Variants in CD9 observed in about 807,000 individuals in gnomAD.
CD9 encodes the protein CD9 antigen.
A neutral mutation model predicts 31.4 loss-of-function variants in CD9; 10 were observed. The observed-to-expected ratio is 0.32, with a 90% CI of 0.20 to 0.54. CD9 has a LOEUF of 0.54. Ranked by LOEUF, CD9 falls within the 20% of genes least tolerant of loss-of-function variation. The pLI, the probability that CD9 is intolerant of heterozygous loss-of-function variation, is 0.94. For missense variants in CD9, 259 were observed against 300.1 expected (o/e 0.86, Z 1.01); for synonymous variants, 113 against 114.1 (o/e 0.99, Z 0.06).
chr12:6,216,340 G>A (rs1488647041), intron 1 of CD9, among the ~76,000 whole-genome samples: 1 of 152,200 alleles, frequency 6.6e-6, no homozygotes, highest in Non-Finnish European at 1.5e-5. Flanking sequence ...TATTTGGTGT[G>A]TTGCTTACTT....
intron 2 of CD9, among the ~76,000 whole-genome samples, chr12:6,230,647 C>G (rs1282861335): frequency 6.6e-6 from 1 of 152,176 alleles, no homozygotes; most frequent in South Asian, 2.1e-4. Context: ...TTCTACTGTC[C>G]CCATGTGAGA....
intron 1 of CD9, among the ~76,000 whole-genome samples, chr12:6,204,287 T>C (rs1946106419): frequency 1.3e-5 from 2 of 152,158 alleles, no homozygotes; most frequent in Admixed American, 1.3e-4. Flanking sequence ...GAACCAATAT[T>C]GGGTACGATG....
rs1565428656 is a variant in CD9 at position 6,232,526 on chromosome 12, A to AG, written c.176-104dup. The AG allele has an allele frequency of 1.4e-6, 1 of 726,890 alleles. No individual in the cohort carries two copies. Among genetic ancestry groups the AG allele is most frequent in the Non-Finnish European group, 2.5e-6 (1 of 407,864 alleles). The allele number at this position is 726,890 out of a possible 1,614,324, so 45.0% of individuals were successfully genotyped here. On this transcript the variant is annotated intron_variant, in intron 2 of 7. Transcript: ENST00000009180. The surrounding 1 kb of genome is among the most constrained non-coding windows in gnomAD (Gnocchi z 4.8). ...CTTCCCTGAGATGAGGGGAATAAGG[A>AG]GGTGGGGAGGCAGGAGTTAGGCAGA...
intron 1 of CD9, among the ~76,000 whole-genome samples, chr12:6,221,813 CAAAAAAAAAA>C (rs34034952): frequency 1.9e-3 from 121 of 62,092 alleles, no homozygotes; most frequent in African/African-American, 8.7e-3. Flanking sequence ...CCTGGCTCTA[CAAAAAAAAAA>C]AAAAAAAAAA....
intron 1 of CD9, among the ~76,000 whole-genome samples, chr12:6,220,218 C>A (rs1946280144): frequency 6.6e-6 from 1 of 152,168 alleles, no homozygotes; most frequent in African/African-American, 2.4e-5. Context: ...GCAGGCTTGG[C>A]TTAGGCGATC....
intron 1 of CD9, among the ~76,000 whole-genome samples, chr12:6,219,379 C>T (rs1315820824): frequency 6.6e-6 from 1 of 152,204 alleles, no homozygotes; most frequent in Non-Finnish European, 1.5e-5. Flanking sequence ...TTGGGACATG[C>T]TTCACCAACA....
chr12:6,222,295 C>T (rs933849258), intron 1 of CD9, among the ~76,000 whole-genome samples: 1 of 152,228 alleles, frequency 6.6e-6, no homozygotes, highest in Non-Finnish European at 1.5e-5. Flanking sequence ...TCAGAAAAGG[C>T]AGCAGGGTTC....
intron 1 of CD9, among the ~76,000 whole-genome samples, chr12:6,217,539 A>G (rs1006215544): frequency 4.6e-5 from 7 of 152,134 alleles, no homozygotes; most frequent in Non-Finnish European, 7.4e-5. Context: ...CAAAAAAACA[A>G]GTATTTTCCC....
intron 2 of CD9, among the ~76,000 whole-genome samples, chr12:6,226,698 T>A (rs543408478): frequency 6.6e-6 from 1 of 152,278 alleles, no homozygotes; most frequent in African/African-American, 2.4e-5. Context: ...TGTGTCTCTC[T>A]ATTATCGGAA....
intron 6 of CD9, chr12:6,235,968 CCTT>C (rs1946516222): frequency 1.5e-5 from 21 of 1,415,082 alleles, no homozygotes; most frequent in Non-Finnish European, 1.8e-5. Flanking sequence ...TGTCCCTCCT[CCTT>C]CCCTGACGTC....
At chr12:6,207,746 C>A (rs927178343) in intron 1 of CD9, among the ~76,000 whole-genome samples, 1 of 152,166 alleles carries the variant, frequency 6.6e-6, no homozygotes, top group South Asian at 2.1e-4. Flanking sequence ...GGCAAAGCAG[C>A]CTGACTTGGA....
intron 7 of CD9, 111 bp downstream of exon 7, chr12:6,236,386 CT>C (rs1946524799): frequency 3.3e-6 from 3 of 913,642 alleles, no homozygotes; most frequent in African/African-American, 3.3e-5. Context: ...TCACTTTGTC[CT>C]CGTGCCCTTA....
chr12:6,237,911 G>A lies in CD9; in HGVS notation c.*83G>A, dbSNP rs771715756. On this transcript the variant is annotated 3_prime_UTR_variant, in exon 8 of 8. Transcript: ENST00000009180. ...GTTTGTTTGTTTTGTTTTGTTTGTT[G>A]TTTGTTGTTTGTTTTTTTGCCACTA... 2.3e-4 allele frequency: 246 copies of A among 1,062,960 alleles called. No individual in the cohort carries two copies. The highest frequency in any genetic ancestry group is 3.4e-4 in the Non-Finnish European group (235 of 697,676). The allele number at this position is 1,062,960 out of a possible 1,614,324, so 65.8% of individuals were successfully genotyped here. A position where few individuals can be genotyped will look rare whatever the true frequency, so the allele number is the denominator to read the frequency against.
Position 6,232,786 on chromosome 12 carries a change from A to C in CD9, c.273+57A>C. 3 of 1,149,804 alleles carry C rather than the reference A, an allele frequency of 2.6e-6. No individual in the cohort carries two copies. Among genetic ancestry groups the C allele is most frequent in the Non-Finnish European group, 3.8e-6 (3 of 794,518 alleles). 71.2% of individuals were successfully genotyped at this position (1,149,804 alleles called of 1,614,324 possible). The stretch of plus-strand genomic sequence containing the variant: ...CCTGACTCCCACCAACAAAAACCTC[A>C]GCAGGCCCAGACCCAGACCACAGAA... On this transcript the variant is annotated intron_variant, in intron 3 of 7. Transcript: ENST00000009180. This position sits in a 1 kb window ranked among gnomAD's most constrained non-coding sequence, Gnocchi z 4.8.
At chr12:6,234,390 C>T (rs1016394948) in intron 4 of CD9, 3 of 151,312 alleles carry the variant, frequency 2.0e-5, no homozygotes, top group African/African-American at 7.3e-5. Flanking sequence ...AAGAGTAGAA[C>T]AAGGACTTCC....
At chr12:6,215,985 A>G (rs1946239140) in intron 1 of CD9, among the ~76,000 whole-genome samples, 1 of 152,168 alleles carries the variant, frequency 6.6e-6, no homozygotes, top group Non-Finnish European at 1.5e-5. Flanking sequence ...GCCCTTCCAA[A>G]GACAACAGCC....
At chr12:6,219,943 A>C (rs1306352879) in intron 1 of CD9, among the ~76,000 whole-genome samples, 2 of 152,172 alleles carry the variant, frequency 1.3e-5, no homozygotes, top group African/African-American at 4.8e-5. Context: ...TTATGGAGTA[A>C]TTACTTACTA....
chr12:6,236,443 T>A (rs529439909), intron 7 of CD9, 168 bp downstream of exon 7: 1 of 637,614 alleles, frequency 1.6e-6, no homozygotes, highest in South Asian at 1.9e-5. Flanking sequence ...GAGAGGCCGA[T>A]GTTCTGATCA....
intron 2 of CD9, among the ~76,000 whole-genome samples, chr12:6,229,626 A>G (rs555504743): frequency 6.6e-6 from 1 of 152,296 alleles, no homozygotes; most frequent in South Asian, 2.1e-4. Flanking sequence ...CAGAGGCCCT[A>G]CCGGATTTTG....
Sources: allele counts gnomAD v4.1 joint callset (sites outside exome capture counted in the v4.1 genomes callset), GRCh38; gene constraint gnomAD v4.1.1; non-coding constraint Gnocchi (gnomAD v3.1); transcripts MANE v1.5; gene names NCBI Gene and HGNC (gene_info 2026-07-23, HGNC 2026-07-21).